ZFAT: variants seen among roughly 807,000 people sequenced by gnomAD.
ZFAT encodes the protein zinc finger and AT-hook domain containing, also known as zinc finger protein ZFAT.
Under a neutral mutation model 117.7 loss-of-function variants are expected in ZFAT, and 64 were observed. The ratio of observed to expected loss-of-function variants is 0.54; its 90% CI spans 0.44 to 0.67. The LOEUF is 0.67. ZFAT is among the 30% of genes least tolerant of loss of function. The pLI is 0.00. For synonymous variants in ZFAT, 679 were observed against 615.0 expected (o/e 1.10, Z -1.54); for missense variants, 1,433 against 1,584.5 (o/e 0.90, Z 1.62).
intron 1 of ZFAT, among the ~76,000 whole-genome samples, chr8:134,707,702 A>T (rs1392512750): frequency 6.6e-6 from 1 of 152,126 alleles, no homozygotes; most frequent in Non-Finnish European, 1.5e-5. Flanking sequence ...CCCCTTTCTT[A>T]TTCAGACAAC....
At chr8:134,518,212 C>T (rs1820387502) in intron 13 of ZFAT, among the ~76,000 whole-genome samples, 1 of 152,176 alleles carries the variant, frequency 6.6e-6, no homozygotes, top group South Asian at 2.1e-4. Context: ...ATAGTTCCTT[C>T]TCCCACATTT....
chr8:134,542,917 G>A (rs904082378), intron 11 of ZFAT, among the ~76,000 whole-genome samples: 3 of 152,130 alleles, frequency 2.0e-5, no homozygotes, highest in African/African-American at 7.2e-5. Context: ...ACCTCTCTGT[G>A]ATAGTCAGCC....
the ZFAT span, among the ~76,000 whole-genome samples, chr8:134,744,899 T>C: frequency 6.6e-6 from 1 of 151,710 alleles, no homozygotes; most frequent in Non-Finnish European, 1.5e-5. Context: ...CCGGCTACTT[T>C]TTCGTATTTT....
In ZFAT at chr8:134,712,726, GCGGC is replaced by G. The variant is rs2131375329; in HGVS notation, c.19+115_19+118del. The G allele has an allele frequency of 4.7e-6, 4 of 842,410 alleles. 1 individual carries two copies. In the South Asian group the frequency reaches 9.0e-5, roughly 19 times the overall value. The allele number at this position is 842,410 out of a possible 1,614,324, so 52.2% of individuals were successfully genotyped here. ...CCAGACCCGGATCCCTCCGCGGCCG[GCGGC>G]CGGCGGCCGGCGGCCGGCGCACTGC... is the stretch of plus-strand genomic sequence containing the variant. On this transcript the variant is annotated intron_variant, in intron 1 of 15. Transcript: ENST00000377838.
chr8:134,629,239 GAACACACTGCAT>G (rs1182457790), intron 3 of ZFAT, among the ~76,000 whole-genome samples: 1 of 152,142 alleles, frequency 6.6e-6, no homozygotes, highest in Non-Finnish European at 1.5e-5. Context: ...GTTTCGGATT[GAACACACTGCAT>G]AACTTAAACT....
chr8:134,624,531 C>T (rs1412034079), intron 3 of ZFAT, among the ~76,000 whole-genome samples: 1 of 152,142 alleles, frequency 6.6e-6, no homozygotes, highest in Admixed American at 6.5e-5. Context: ...GGGGCGCACA[C>T]CTATATTCCC....
intron 1 of ZFAT, among the ~76,000 whole-genome samples, chr8:134,666,890 C>A (rs1324993873): frequency 6.6e-6 from 1 of 152,066 alleles, no homozygotes; most frequent in Non-Finnish European, 1.5e-5. Context: ...GATATAAATC[C>A]ACTAATTCAA....
At chr8:134,579,542 A>G (rs1825572963) in intron 10 of ZFAT, among the ~76,000 whole-genome samples, 1 of 152,176 alleles carries the variant, frequency 6.6e-6, no homozygotes, top group Non-Finnish European at 1.5e-5. Context: ...CCCACATCAC[A>G]TGAGAATTAT....
At chr8:134,614,319 C>T (rs898244165) in intron 3 of ZFAT, among the ~76,000 whole-genome samples, 2 of 152,182 alleles carry the variant, frequency 1.3e-5, no homozygotes, top group Non-Finnish European at 2.9e-5. Flanking sequence ...GACTGACACC[C>T]GGTCCTGTTT....
chr8:134,803,038 C>T, the ZFAT span, among the ~76,000 whole-genome samples: 1 of 152,298 alleles, frequency 6.6e-6, no homozygotes, highest in East Asian at 1.9e-4. Context: ...CTTTGATTCA[C>T]CTCATTAGAG....
At chr8:134,533,073 A>G in intron 11 of ZFAT, 101 bp from the exon 12 acceptor site, 7 of 1,475,550 alleles carry the variant, frequency 4.7e-6, no homozygotes, top group Admixed American at 2.0e-5. Flanking sequence ...AAAGCCTGAG[A>G]TGAGCAGGCC....
intron 14 of ZFAT, 114 bp from the exon 15 acceptor site, chr8:134,509,863 G>A (rs1285759556): frequency 7.5e-7 from 1 of 1,339,194 alleles, no homozygotes; most frequent in Non-Finnish European, 1.0e-6. Flanking sequence ...AGGATGCATG[G>A]GCTCTCCGTA....
intron 5 of ZFAT, 41 bp from the exon 6 acceptor site, chr8:134,602,974 A>G (rs767499100): frequency 1.6e-5 from 25 of 1,563,082 alleles, no homozygotes; most frequent in Non-Finnish European, 2.0e-5. Context: ...GGAGACCTTG[A>G]ATGTTCCTCA....
chr8:134,600,215 A>C (rs1472907731), intron 7 of ZFAT: 3 of 573,910 alleles, frequency 5.2e-6, no homozygotes, highest in Non-Finnish European at 9.2e-6. Context: ...TTTGCACAGG[A>C]AACAATTTAT....
intron 2 of ZFAT, chr8:134,639,724 G>GCAATTCATATCAGAGAAGCA (rs546810196): frequency 0.031 from 14,194 of 456,196 alleles, 291 homozygotes; most frequent in Middle Eastern, 0.036. Flanking sequence ...TACTGAAGCA[G>GCAATTCATATCAGAGAAGCA]CAATTCATAT....
chr8:134,608,579 A>T, intron 5 of ZFAT, 150 bp downstream of exon 5: 2 of 946,996 alleles, frequency 2.1e-6, no homozygotes, highest in Non-Finnish European at 3.1e-6. Flanking sequence ...TGGAGGGGTA[A>T]TTCTACTGCT....
chr8:134,688,754 C>T (rs892523840), intron 1 of ZFAT, among the ~76,000 whole-genome samples: 1 of 152,178 alleles, frequency 6.6e-6, no homozygotes, highest in Admixed American at 6.5e-5. Flanking sequence ...TCAAATTCTA[C>T]CCGCATTTTC....
At chr8:134,715,067 C>A (rs1033529718), upstream of ZFAT, among the ~76,000 whole-genome samples, 1 of 152,172 alleles carries the variant, frequency 6.6e-6, no homozygotes, top group Admixed American at 6.5e-5. Flanking sequence ...CGATTTCTGT[C>A]AGGAAATTAG....
intron 1 of ZFAT, among the ~76,000 whole-genome samples, chr8:134,669,204 C>A (rs1832422119): frequency 6.6e-6 from 1 of 152,144 alleles, no homozygotes; most frequent in South Asian, 2.1e-4. Context: ...GAGAACTTCC[C>A]CAGCCTAACA....
Sources: gnomAD v4.1 joint callset for allele counts (sites outside exome capture counted in the v4.1 genomes callset) on GRCh38, gnomAD v4.1.1 for gene constraint, MANE v1.5 for transcripts, NCBI Gene and HGNC (gene_info 2026-07-23, HGNC 2026-07-21) for gene names.